GABRG2: variants seen among roughly 807,000 people sequenced by gnomAD.
GABRG2 encodes the protein gamma-aminobutyric acid receptor subunit gamma-2.
In GABRG2, 16 loss-of-function variants were observed where a neutral mutation model predicts 56.4. That is an observed-to-expected ratio of 0.28 (90% CI 0.19 to 0.43). GABRG2 has a LOEUF of 0.43. Among genes scored for constraint, GABRG2 ranks in the 20% least tolerant of loss-of-function variants. The probability of loss-of-function intolerance (pLI) is 1.00; values close to 1 mark genes in which losing one functional copy is unlikely to be tolerated. For missense variants in GABRG2, 327 were observed against 582.7 expected (o/e 0.56, Z 4.52); for synonymous variants, 208 against 205.5 (o/e 1.01, Z -0.10).
At chr5:162,134,036 T>G (rs942025799) in intron 6 of GABRG2, among the ~76,000 whole-genome samples, 19 of 152,178 alleles carry the variant, frequency 1.2e-4, no homozygotes, top group Non-Finnish European at 1.8e-4. Flanking sequence ...CAAACCAGCT[T>G]TCTATATTAA....
chr5:162,117,236 G>A (rs1425923345), intron 6 of GABRG2, among the ~76,000 whole-genome samples: 1 of 152,090 alleles, frequency 6.6e-6, no homozygotes, highest in Non-Finnish European at 1.5e-5. Context: ...TGTACTGCTG[G>A]GACAGCTTTA....
intron 6 of GABRG2, among the ~76,000 whole-genome samples, chr5:162,105,464 C>G (rs905514044): frequency 2.5e-4 from 23 of 91,764 alleles, no homozygotes; most frequent in Non-Finnish European, 2.1e-5. Context: ...GAGTCTCGCT[C>G]TGTCTCCCAG....
intron 7 of GABRG2, among the ~76,000 whole-genome samples, chr5:162,145,052 T>C (rs184743206): frequency 6.6e-6 from 1 of 152,206 alleles, no homozygotes; most frequent in Non-Finnish European, 1.5e-5. Flanking sequence ...ATTACTTTTC[T>C]CAATGTTTAC....
At chr5:162,095,694 C>T (rs1719554038) in intron 3 of GABRG2, 132 bp downstream of exon 3, 1 of 663,474 alleles carries the variant, frequency 1.5e-6, no homozygotes. Flanking sequence ...AGATAGTCTT[C>T]CAGATCCTTT....
intron 6 of GABRG2, among the ~76,000 whole-genome samples, chr5:162,115,305 C>T (rs1762540037): frequency 6.6e-6 from 1 of 152,126 alleles, no homozygotes; most frequent in African/African-American, 2.4e-5. Context: ...TGTCATATTT[C>T]CTGGTATTTA....
rs115629837 is a variant in GABRG2 at position 162,080,502 on chromosome 5, T to C, written c.107+12396T>C. Among the ~76,000 whole-genome samples, 1,272 of 152,208 alleles carry C rather than the reference T, an allele frequency of 8.4e-3. 11 individuals carry two copies. Among genetic ancestry groups the C allele is most frequent in the Non-Finnish European group, 0.013 (897 of 68,000 alleles). ...AAGGTCCAGGTGACTGGAAGATTGA[T>C]TGAGAATGAAAAAGTCTAGGGGAAG... On this transcript the variant is annotated intron_variant, in intron 1 of 9. Transcript: ENST00000639213.
chr5:162,086,941 T>C (rs1300065763), intron 1 of GABRG2, among the ~76,000 whole-genome samples: 1 of 152,072 alleles, frequency 6.6e-6, no homozygotes, highest in Non-Finnish European at 1.5e-5. Context: ...GAATGCATTT[T>C]CTTTTGGAAA....
At chr5:162,076,957 TC>T (rs1252206803) in intron 1 of GABRG2, among the ~76,000 whole-genome samples, 2 of 152,130 alleles carry the variant, frequency 1.3e-5, no homozygotes, top group Non-Finnish European at 2.9e-5. Flanking sequence ...AATAGACTTT[TC>T]CCCTGCAACT....
Position 162,129,029 on chromosome 5 carries a change from C to A in GABRG2, c.770-13135C>A, listed in dbSNP as rs537186405. On this transcript the variant is annotated intron_variant, in intron 6 of 9. Coordinates refer to ENST00000639213, the MANE Select transcript of GABRG2 (RefSeq NM_198904.4). ...ACTTTCTTTTTTCCAGTTGGCATAT[C>A]TTTTATTTACTTTAAAGTGATAGTA... Among the ~76,000 whole-genome samples the A allele has an allele frequency of 3.1e-4, 47 of 152,042 alleles. 1 individual carries two copies. Among genetic ancestry groups the A allele is most frequent in the African/African-American group, 1.1e-3 (44 of 41,506 alleles).
At chr5:162,133,651 A>G (rs1224233373) in intron 6 of GABRG2, among the ~76,000 whole-genome samples, 2 of 152,074 alleles carry the variant, frequency 1.3e-5, no homozygotes, top group Admixed American at 6.6e-5. Flanking sequence ...GAACTTGACT[A>G]TGGACTCAGA....
chr5:162,081,283 G>A (rs1283738732), intron 1 of GABRG2, among the ~76,000 whole-genome samples: 1 of 151,854 alleles, frequency 6.6e-6, no homozygotes, highest in East Asian at 1.9e-4. Context: ...ATATCTAATG[G>A]CAGAGAATAT....
intron 9 of GABRG2, 70 bp downstream of exon 9, chr5:162,151,823 GTTTTA>G: frequency 7.8e-7 from 1 of 1,288,058 alleles, no homozygotes; most frequent in Non-Finnish European, 1.1e-6. Flanking sequence ...CTTACATGGT[GTTTTA>G]TTTTGTTTTA....
At chr5:162,074,318 C>A (rs943349218) in intron 1 of GABRG2, among the ~76,000 whole-genome samples, 3 of 151,938 alleles carry the variant, frequency 2.0e-5, no homozygotes, top group African/African-American at 7.2e-5. Flanking sequence ...ATAAGTAGCA[C>A]TGATACAACA....
At chr5:162,107,720 T>A (rs932827248) in intron 6 of GABRG2, among the ~76,000 whole-genome samples, 18 of 152,210 alleles carry the variant, frequency 1.2e-4, no homozygotes, top group Non-Finnish European at 8.8e-5. Context: ...CCTTCCTGAT[T>A]GTTCTATATC....
At chr5:162,128,631 T>A (rs1256938410) in intron 6 of GABRG2, among the ~76,000 whole-genome samples, 1 of 151,978 alleles carries the variant, frequency 6.6e-6, no homozygotes, top group Middle Eastern at 3.2e-3. Context: ...TATCATATGG[T>A]TATCTATGAC....
chr5:162,121,822 G>C (rs1471295759), intron 6 of GABRG2, among the ~76,000 whole-genome samples: 1 of 152,020 alleles, frequency 6.6e-6, no homozygotes, highest in Non-Finnish European at 1.5e-5. Flanking sequence ...GGGTTTGATA[G>C]TGTTGTGGAC....
At position 162,096,553 on chromosome 5, in the gene GABRG2, G is replaced by T. The variant is rs75725864; in HGVS notation, c.327+991G>T. ...GTTGACAAAGGATTTCGTAAAACAG[G>T]TTCTTTTCTCATTACTTGTAGACTG... On this transcript the variant is annotated intron_variant, in intron 3 of 9. Transcript: ENST00000639213. 4.3e-3 allele frequency among the ~76,000 whole-genome samples: 652 copies of T among 152,152 alleles called. 7 individuals carry two copies. Among genetic ancestry groups the T allele is most frequent in the African/African-American group, 0.015 (627 of 41,528 alleles).
chr5:162,071,729 T>C (rs1758687049), intron 1 of GABRG2, among the ~76,000 whole-genome samples: 1 of 151,952 alleles, frequency 6.6e-6, no homozygotes, highest in Non-Finnish European at 1.5e-5. Context: ...AAGCTTGTCA[T>C]TTCCTGTCTT....
chr5:162,112,805 A>G (rs1001771170), intron 6 of GABRG2, among the ~76,000 whole-genome samples: 1 of 152,166 alleles, frequency 6.6e-6, no homozygotes, highest in Admixed American at 6.5e-5. Flanking sequence ...AATACATTTC[A>G]TTTAAGAGAT....
Sources: allele counts gnomAD v4.1 joint callset (sites outside exome capture counted in the v4.1 genomes callset), GRCh38; gene constraint gnomAD v4.1.1; transcripts MANE v1.5; gene names NCBI Gene and HGNC (gene_info 2026-07-23, HGNC 2026-07-21).